The following SERPINB8 variants were observed in gnomAD, a reference collection of about 807,000 sequenced individuals.
SERPINB8 encodes serpin B8.
A neutral mutation model predicts 35.3 loss-of-function variants in SERPINB8; 25 were observed. That is an observed-to-expected ratio of 0.71 (90% CI 0.52 to 0.99). The LOEUF is 0.99. SERPINB8 is among the 50% of genes least tolerant of loss of function. The pLI is 0.00. For synonymous variants in SERPINB8, 186 were observed against 160.8 expected, an observed-to-expected ratio of 1.16 and a Z score of -1.19; for missense variants, 484 against 446.5, an observed-to-expected ratio of 1.08 and a Z score of -0.76.
At chr18:63,985,451 G>T (rs990294751) in intron 6 of SERPINB8, among the ~76,000 whole-genome samples, 6 of 152,184 alleles carry the variant, frequency 3.9e-5, no homozygotes, top group African/African-American at 1.4e-4. Flanking sequence ...TTTTGATGAA[G>T]CTAAGAAGAG....
At chr18:64,016,548 G>A (rs1200433068) in intron 7 of SERPINB8, among the ~76,000 whole-genome samples, 5 of 152,136 alleles carry the variant, frequency 3.3e-5, no homozygotes, top group African/African-American at 4.8e-5. Flanking sequence ...ATTAAAAAGC[G>A]GTTTATGGGA....
downstream of SERPINB8, among the ~76,000 whole-genome samples, chr18:63,990,810 T>G (rs942354359): frequency 3.3e-5 from 5 of 152,234 alleles, no homozygotes; most frequent in Non-Finnish European, 7.3e-5. Context: ...TATCATTTTG[T>G]TTCTTTGTTT....
chr18:64,015,405 T>C (rs1255555177), intron 7 of SERPINB8, among the ~76,000 whole-genome samples: 1 of 152,220 alleles, frequency 6.6e-6, no homozygotes, highest in East Asian at 1.9e-4. Context: ...CAAATTCTCC[T>C]TTGAAACATA....
intron 1 of SERPINB8, among the ~76,000 whole-genome samples, chr18:63,999,364 C>T (rs1285664595): frequency 6.6e-6 from 1 of 152,166 alleles, no homozygotes; most frequent in African/African-American, 2.4e-5. Flanking sequence ...CACCCGGACC[C>T]AATGTGTTAC....
rs2050776074 is a variant in SERPINB8, at chr18:63,987,279, AG to A, written c.*2del. On this transcript the variant is annotated 3_prime_UTR_variant, in exon 7 of 7. Transcript: ENST00000397985. ...CTGTGGCAGGTTCTCTTCTCCGTAA[AG>A]AGGAGCAATTGCTGTACATACCCTC... is the stretch of plus-strand genomic sequence containing the variant. 1 of 1,608,662 alleles carries A rather than the reference AG, an allele frequency of 6.2e-7. No homozygotes were observed. Among genetic ancestry groups the A allele is most frequent in the African/African-American group, 1.3e-5 (1 of 74,774 alleles).
intron 6 of SERPINB8, chr18:63,986,294 C>G: frequency 6.2e-7 from 1 of 1,609,930 alleles, no homozygotes; most frequent in Non-Finnish European, 8.5e-7. Flanking sequence ...GAAGCTAACT[C>G]CAGGACAGGC....
At chr18:63,983,138 A>T (rs897208834) in intron 4 of SERPINB8, among the ~76,000 whole-genome samples, 1 of 152,198 alleles carries the variant, frequency 6.6e-6, no homozygotes, top group Non-Finnish European at 1.5e-5. Context: ...TAAACATCCT[A>T]CAATGCACAA....
chr18:63,977,279 T>A (rs1279634665), intron 1 of SERPINB8, among the ~76,000 whole-genome samples: 1 of 152,046 alleles, frequency 6.6e-6, no homozygotes, highest in Non-Finnish European at 1.5e-5. Context: ...CCTCAATGTG[T>A]TATTGGGTGA....
intron 7 of SERPINB8, among the ~76,000 whole-genome samples, chr18:64,011,771 G>C (rs1485956866): frequency 6.6e-6 from 1 of 152,144 alleles, no homozygotes; most frequent in Non-Finnish European, 1.5e-5. Context: ...TTGGATGAAT[G>C]AGTGAAATTT....
chr18:63,984,731 AG>A (rs1425085438), intron 5 of SERPINB8, among the ~76,000 whole-genome samples: 1 of 152,220 alleles, frequency 6.6e-6, no homozygotes, highest in Non-Finnish European at 1.5e-5. Context: ...CTTCAGCCCA[AG>A]GGCCTGAATA....
chr18:63,999,116 A>T (rs1289382321), intron 1 of SERPINB8, among the ~76,000 whole-genome samples: 1 of 152,182 alleles, frequency 6.6e-6, no homozygotes, highest in Non-Finnish European at 1.5e-5. Flanking sequence ...ATACGGGGCA[A>T]GAAGTGGGAT....
chr18:64,004,046 G>A (rs997031670), intron 1 of SERPINB8, among the ~76,000 whole-genome samples: 3 of 152,052 alleles, frequency 2.0e-5, no homozygotes, highest in African/African-American at 7.3e-5. Flanking sequence ...ACTCTGACAT[G>A]GTATTGCTTT....
chr18:64,005,291 T>G, exon 2 of SERPINB8: 2 of 154,454 alleles, frequency 1.3e-5, no homozygotes, highest in East Asian at 1.9e-4. Context: ...AAATTGGCCA[T>G]ATCTACAAAA....
intron 5 of SERPINB8, 57 bp downstream of exon 5, chr18:63,983,778 T>C: frequency 8.4e-7 from 1 of 1,196,684 alleles, no homozygotes; most frequent in Non-Finnish European, 1.2e-6. Flanking sequence ...TTACAGGAAA[T>C]ATTCTCTTGG....
chr18:63,981,733 T>C lies in SERPINB8; in HGVS notation c.319T>C (p.Tyr107His). ...TTTGTGTTTGCAGGACTTTAAAGAA[T>C]ACTGTCAGAAGTTCTATCAGGCAGA... Reference protein sequence around the residue: ...TCDFLPDFKEYCQKFYQAELE... With the variant: ...TCDFLPDFKEHCQKFYQAELE... Residue 107 changes from tyrosine (Y) to histidine (H), a missense_variant, in exon 4 of 7, where the codon TAC (tyrosine) becomes CAC (histidine). Coordinates refer to ENST00000397985, the MANE Select transcript of SERPINB8 (RefSeq NM_002640.4). 3.7e-6 allele frequency: 6 copies of C among 1,611,898 alleles called. No individual in the cohort carries two copies. The highest frequency in any genetic ancestry group is 5.1e-6 in the Non-Finnish European group (6 of 1,178,174).
chr18:64,011,212 CAAAT>C (rs772630472), intron 7 of SERPINB8, among the ~76,000 whole-genome samples: 22 of 151,742 alleles, frequency 1.4e-4, no homozygotes, highest in Non-Finnish European at 2.1e-4. Context: ...TAGCTTATCT[CAAAT>C]AAAGTGACAA....
At chr18:63,983,746 C>T in intron 5 of SERPINB8, 25 bp downstream of exon 5, 2 of 1,535,414 alleles carry the variant, frequency 1.3e-6, no homozygotes, top group Admixed American at 1.7e-5. Flanking sequence ...TTCAGATATA[C>T]TGCTACTTTC....
At chr18:63,991,543 G>GT (rs140763221), downstream of SERPINB8, among the ~76,000 whole-genome samples, 491 of 151,454 alleles carry the variant, frequency 3.2e-3, 3 homozygotes, top group African/African-American at 9.8e-3. Flanking sequence ...TATAATACAG[G>GT]TTTTTTTTTG....
chr18:63,976,079 T>C (rs1439193444), intron 1 of SERPINB8, among the ~76,000 whole-genome samples: 5 of 152,252 alleles, frequency 3.3e-5, no homozygotes, highest in Non-Finnish European at 5.9e-5. Context: ...TTTGCTAATT[T>C]TCCAAACTGG....
Sources: gnomAD v4.1 joint callset for allele counts (sites outside exome capture counted in the v4.1 genomes callset) on GRCh38, gnomAD v4.1.1 for gene constraint, MANE v1.5 for transcripts, NCBI Gene and HGNC (gene_info 2026-07-23, HGNC 2026-07-21) for gene names.